The following CCDC18 variants were observed in gnomAD, a reference collection of about 807,000 sequenced individuals.
CCDC18 encodes coiled-coil domain-containing protein 18.
In CCDC18, 157 loss-of-function variants were observed where a neutral mutation model predicts 196.0. The observed-to-expected ratio is 0.80, with a 90% CI of 0.70 to 0.91. The LOEUF (loss-of-function observed/expected upper bound fraction) is 0.91. Ranked by LOEUF, CCDC18 falls within the 40% of genes least tolerant of loss-of-function variation. The pLI, the probability that CCDC18 is intolerant of heterozygous loss-of-function variation, is 0.00. For missense variants in CCDC18, 1,465 were observed against 1,611.6 expected, an observed-to-expected ratio of 0.91 and a Z score of 1.56; for synonymous variants, 482 against 529.2, an observed-to-expected ratio of 0.91 and a Z score of 1.22.
In CCDC18 at chr1:93,226,421, A is replaced by G; in HGVS notation, c.2264A>G (p.Glu755Gly). ...TTGGAAGGAAATAAGGAAAAGTTTG[A>G]AAAACAGTTAAAGAAGAAATCTGAA... The part of the protein sequence containing the change: ...NQLEGNKEKF[E>G]KQLKKKSEEV... The change falls in exon 17 of 29, where the codon GAA becomes GGA. Residue 755 changes from glutamate to glycine, a missense_variant. By Grantham distance (98) the Glu-to-Gly change is moderately conservative. Transcript: ENST00000690025. 1 of 1,533,704 alleles carries G rather than the reference A, an allele frequency of 6.5e-7. No individual in the cohort carries two copies. Among genetic ancestry groups the G allele is most frequent in the Non-Finnish European group, 9.0e-7 (1 of 1,110,418 alleles).
chr1:93,247,323 A>T (rs1661616424), intron 23 of CCDC18, among the ~76,000 whole-genome samples: 1 of 151,952 alleles, frequency 6.6e-6, no homozygotes, highest in African/African-American at 2.4e-5. Flanking sequence ...TTTCACATTG[A>T]TTGCTTTTAG....
At chr1:93,278,122 G>T (rs529315425) in intron 28 of CCDC18, among the ~76,000 whole-genome samples, 1 of 151,994 alleles carries the variant, frequency 6.6e-6, no homozygotes, top group Non-Finnish European at 1.5e-5. Context: ...GACTAGCTGG[G>T]ATTACAGACG....
intron 12 of CCDC18, among the ~76,000 whole-genome samples, chr1:93,215,531 A>G (rs1341650939): frequency 6.7e-6 from 1 of 148,984 alleles, no homozygotes; most frequent in Non-Finnish European, 1.5e-5. Flanking sequence ...ATCATAGCTC[A>G]CTGTAGCTTT....
At chr1:93,275,309 A>G (rs1422623558) in intron 28 of CCDC18, among the ~76,000 whole-genome samples, 1 of 152,030 alleles carries the variant, frequency 6.6e-6, no homozygotes, top group Non-Finnish European at 1.5e-5. Flanking sequence ...GGGTTTCACC[A>G]TGTTGGCCAA....
At chr1:93,226,734 A>G (rs1450802564) in intron 17 of CCDC18, among the ~76,000 whole-genome samples, 1 of 151,980 alleles carries the variant, frequency 6.6e-6, no homozygotes, top group Admixed American at 6.6e-5. Context: ...GGATTTCACC[A>G]TGTTGGCCAG....
intron 4 of CCDC18, among the ~76,000 whole-genome samples, chr1:93,188,742 G>A (rs1651163870): frequency 6.6e-6 from 1 of 152,066 alleles, no homozygotes; most frequent in Non-Finnish European, 1.5e-5. Flanking sequence ...TCTTTGAATA[G>A]GCCTTTATTA....
chr1:93,242,965 G>T (rs1661020148), intron 21 of CCDC18, among the ~76,000 whole-genome samples: 1 of 152,328 alleles, frequency 6.6e-6, no homozygotes, highest in African/African-American at 2.4e-5. Context: ...GCTTCCACCG[G>T]CTGGCATTGA....
rs558634978 is a variant in CCDC18 at position 93,221,079 on chromosome 1, T to C, written c.1963-530T>C. Among the ~76,000 whole-genome samples, 25 of 152,378 alleles carry C rather than the reference T, an allele frequency of 1.6e-4. No homozygotes were observed. The South Asian group carries it at 5.2e-3, about 32-fold the overall frequency. On this transcript the variant is annotated intron_variant, in intron 14 of 28. Coordinates refer to ENST00000690025, the MANE Select transcript of CCDC18 (RefSeq NM_001378204.1). ...ATGTCTTTTCTATTGTGAATAGTGC[T>C]GCAATGAACATACACATGCATGTAT...
chr1:93,275,810 T>C (rs1478266858), intron 28 of CCDC18, among the ~76,000 whole-genome samples: 2 of 152,242 alleles, frequency 1.3e-5, no homozygotes, highest in African/African-American at 2.4e-5. Context: ...TTGACTTTAG[T>C]AGAATTTTTA....
In CCDC18 at chr1:93,239,868, AC is replaced by A. The variant is rs1327331751; in HGVS notation, c.2954del (p.Thr985IlefsTer2). 36 of 1,608,908 alleles carry A rather than the reference AC, an allele frequency of 2.2e-5. No individual in the cohort carries two copies. Among genetic ancestry groups the A allele is most frequent in the Non-Finnish European group, 2.8e-5 (33 of 1,176,368 alleles). ...AQLSLEEKYT[T>X]IKDLTAELRE... ...ATTATCATTAGAGGAAAAATACACT[AC>A]TATAAAGGATCTCACAGCTGAACTT... is the stretch of plus-strand genomic sequence containing the variant. On this transcript the variant is annotated frameshift_variant, in exon 21 of 29. Coordinates refer to ENST00000690025, the MANE Select transcript of CCDC18 (RefSeq NM_001378204.1). LOFTEE classifies it high-confidence loss of function.
At chr1:93,235,911 A>G (rs1460082376) in intron 18 of CCDC18, among the ~76,000 whole-genome samples, 1 of 152,182 alleles carries the variant, frequency 6.6e-6, no homozygotes, top group African/African-American at 2.4e-5. Context: ...GAATCTATTG[A>G]GTGAGCCAAT....
intron 27 of CCDC18, among the ~76,000 whole-genome samples, chr1:93,265,697 A>C (rs1664408756): frequency 1.3e-5 from 2 of 152,232 alleles, no homozygotes; most frequent in South Asian, 2.1e-4. Flanking sequence ...GAGACCAAGA[A>C]GGCCATTACA....
intron 7 of CCDC18, 32 bp from the exon 8 acceptor site, chr1:93,205,478 C>T (rs763990443): frequency 1.3e-6 from 2 of 1,551,980 alleles, no homozygotes; most frequent in Non-Finnish European, 1.7e-6. Context: ...CTTACAACCA[C>T]ATTAGTATGT....
intron 26 of CCDC18, among the ~76,000 whole-genome samples, chr1:93,260,815 A>C (rs1456074265): frequency 6.6e-6 from 1 of 151,728 alleles, no homozygotes; most frequent in African/African-American, 2.4e-5. Flanking sequence ...TCCCCTCCCT[A>C]GGTCTATGTG....
intron 16 of CCDC18, among the ~76,000 whole-genome samples, chr1:93,223,442 T>C (rs552335436): frequency 4.3e-4 from 66 of 152,356 alleles, no homozygotes; most frequent in Admixed American, 4.3e-3. Flanking sequence ...CTCCTGATTA[T>C]GTCATTACTA....
At position 93,201,995 on chromosome 1, in the gene CCDC18, G is replaced by A; in HGVS notation, c.795+7G>A. 6.4e-7 allele frequency: 1 copy of A among 1,562,328 alleles called. No homozygotes were observed. The highest frequency in any genetic ancestry group is 8.8e-7 in the Non-Finnish European group (1 of 1,138,582). On this transcript the variant is annotated splice_region_variant and intron_variant, in intron 7 of 28. Coordinates refer to ENST00000690025, the MANE Select transcript of CCDC18 (RefSeq NM_001378204.1). ...GGCTGAAAAACTGGAAAAGGTAAAA[G>A]GCAGTTGTGCAAATTCAGTGTTTTG...
intron 24 of CCDC18, among the ~76,000 whole-genome samples, chr1:93,255,740 G>A (rs543284200): frequency 9.0e-4 from 126 of 139,344 alleles, no homozygotes; most frequent in Non-Finnish European, 1.6e-3. Context: ...TGTACCAAAC[G>A]AAGAAGAGGA....
intron 23 of CCDC18, among the ~76,000 whole-genome samples, chr1:93,248,213 C>T (rs1661762092): frequency 6.6e-6 from 1 of 151,808 alleles, no homozygotes; most frequent in South Asian, 2.1e-4. Flanking sequence ...CGGCGTTTCA[C>T]CATCTTGGCC....
At chr1:93,220,136 A>T (rs1418981449) in intron 14 of CCDC18, among the ~76,000 whole-genome samples, 2 of 152,218 alleles carry the variant, frequency 1.3e-5, no homozygotes, top group African/African-American at 4.8e-5. Flanking sequence ...CTTTGAAAGC[A>T]CCCAGAGATA....
Sources: gnomAD v4.1 joint callset for allele counts (sites outside exome capture counted in the v4.1 genomes callset) on GRCh38, gnomAD v4.1.1 for gene constraint, MANE v1.5 for transcripts, NCBI Gene and HGNC (gene_info 2026-07-23, HGNC 2026-07-21) for gene names.